Variants in MYOM3 observed in about 807,000 individuals in gnomAD.
The protein encoded by MYOM3 is myomesin-3.
In MYOM3, 155 loss-of-function variants were observed where a neutral mutation model predicts 191.7. The observed-to-expected ratio is 0.81, with a 90% CI of 0.71 to 0.92. MYOM3 has a LOEUF of 0.92. Ranked by LOEUF, MYOM3 falls within the 40% of genes least tolerant of loss-of-function variation. The probability of loss-of-function intolerance (pLI) is 0.00; values close to 1 mark genes in which losing one functional copy is unlikely to be tolerated. For missense variants in MYOM3, 1,889 were observed against 1,890.6 expected (o/e 1.00, Z 0.02); for synonymous variants, 757 against 762.9 (o/e 0.99, Z 0.13).
intron 8 of MYOM3, 101 bp from the exon 9 acceptor site, chr1:24,095,091 G>T: frequency 7.8e-7 from 1 of 1,289,174 alleles, no homozygotes; most frequent in Non-Finnish European, 1.1e-6. Context: ...TCTCTTCTGG[G>T]TCTTGACTAG....
chr1:24,094,767 T>C, intron 9 of MYOM3, 86 bp downstream of exon 9: 1 of 1,355,280 alleles, frequency 7.4e-7, no homozygotes, highest in Non-Finnish European at 1.0e-6. Flanking sequence ...GGAGAGTCTC[T>C]GTCCGCTAGG....
At chr1:24,085,618 T>A (rs1245039383) in intron 15 of MYOM3, among the ~76,000 whole-genome samples, 3 of 152,178 alleles carry the variant, frequency 2.0e-5, no homozygotes, top group Non-Finnish European at 4.4e-5. Flanking sequence ...CTCACCTGTT[T>A]GAAGGCTTCA....
chr1:24,097,281 A>C (rs368526217), intron 7 of MYOM3, among the ~76,000 whole-genome samples: 1 of 152,198 alleles, frequency 6.6e-6, no homozygotes. Flanking sequence ...ACCTAAGCGC[A>C]ATCCGGTGGG....
chr1:24,070,432 A>G (rs934501452), intron 25 of MYOM3, among the ~76,000 whole-genome samples: 4 of 151,592 alleles, frequency 2.6e-5, no homozygotes, highest in Admixed American at 6.6e-5. Context: ...AAAAAAAAAT[A>G]TAAAAATTAG....
chr1:24,095,429 C>G lies in MYOM3; in HGVS notation c.790+13G>C. 2 of 1,611,772 alleles carry G rather than the reference C, an allele frequency of 1.2e-6. No homozygotes were observed. Among genetic ancestry groups the G allele is most frequent in the Non-Finnish European group, 1.7e-6 (2 of 1,178,582 alleles). On this transcript the variant is annotated intron_variant, in intron 8 of 36. Transcript: ENST00000374434. The stretch of plus-strand genomic sequence containing the variant: ...AAAGAATCCCAGGTCCCGTTCTCCC[C>G]CAGCCGACTTACTTTTGAAGATCTC...
chr1:24,104,838 G>A (rs1416199250), intron 5 of MYOM3, among the ~76,000 whole-genome samples: 2 of 152,176 alleles, frequency 1.3e-5, no homozygotes, highest in Non-Finnish European at 2.9e-5. Context: ...GGGCTTGTTT[G>A]GTTATTTGTG....
chr1:24,099,308 G>T (rs960879668), intron 6 of MYOM3, among the ~76,000 whole-genome samples: 1 of 152,112 alleles, frequency 6.6e-6, no homozygotes, highest in African/African-American at 2.4e-5. Flanking sequence ...AGGTGCATAT[G>T]TGTGCATATT....
At position 24,082,116 on chromosome 1, in the gene MYOM3, G is replaced by T. The variant is rs1643677709; in HGVS notation, c.2165C>A (p.Pro722His). Residue 722 changes from proline to histidine, a missense_variant, in exon 18 of 37, where the codon CCC (proline) becomes CAC (histidine). Transcript: ENST00000374434. ...GKNEMVIGWK[P>H]PKRRGGGKIL... The stretch of plus-strand genomic sequence containing the variant: ...CTTGCCACCTCCACGACGCTTGGGG[G>T]GTTTCCACCCAATGACCATTTCATT... 3 of 1,613,672 alleles carry T rather than the reference G, an allele frequency of 1.9e-6. No individual in the cohort carries two copies. The African/African-American group carries it at 4.0e-5, about 22-fold the overall frequency.
chr1:24,065,430 A>G (rs1643421905), intron 29 of MYOM3, among the ~76,000 whole-genome samples: 1 of 152,178 alleles, frequency 6.6e-6, no homozygotes, highest in Admixed American at 6.5e-5. Flanking sequence ...GGCCTGCTTT[A>G]TTCTGCCCAG....
chr1:24,073,812 G>A (rs1482465490), intron 23 of MYOM3, among the ~76,000 whole-genome samples: 5 of 143,330 alleles, frequency 3.5e-5, no homozygotes, highest in Admixed American at 7.3e-5. Context: ...GCAGTGAGCC[G>A]AGATCGTGCC....
At position 24,063,446 on chromosome 1, in the gene MYOM3, G is replaced by T. The variant is rs1570851304; in HGVS notation, c.3661+46C>A. 4 of 1,611,694 alleles carry T rather than the reference G, an allele frequency of 2.5e-6. No individual in the cohort carries two copies. ...AGTGTTAGGCTGCTTGGAGGCTGTTGGGCATCAGGGCAGGGCAGGGCTGGG... is the reference window on the plus strand; with the variant it reads ...AGTGTTAGGCTGCTTGGAGGCTGTTTGGCATCAGGGCAGGGCAGGGCTGGG... On this transcript the variant is annotated intron_variant, in intron 31 of 36. Transcript: ENST00000374434. This position sits in a 1 kb window ranked among gnomAD's most constrained non-coding sequence, Gnocchi z 4.5.
chr1:24,108,206 G>T (rs1644001095), intron 2 of MYOM3, 133 bp from the exon 3 acceptor site: 2 of 866,028 alleles, frequency 2.3e-6, no homozygotes, highest in Non-Finnish European at 3.5e-6. Flanking sequence ...TCATACTGGG[G>T]TCTCAGAAAG....
intron 6 of MYOM3, 69 bp from the exon 7 acceptor site, chr1:24,098,080 G>A (rs1354168107): frequency 1.1e-5 from 11 of 1,016,312 alleles, no homozygotes; most frequent in Admixed American, 5.1e-5. Flanking sequence ...AGTCCCCTGT[G>A]TGGGTGGGAA....
chr1:24,061,988 C>T lies in MYOM3; in HGVS notation c.3892G>A (p.Gly1298Arg). 6.2e-7 allele frequency: 1 copy of T among 1,614,210 alleles called. No homozygotes were observed. The highest frequency in any genetic ancestry group is 8.5e-7 in the Non-Finnish European group (1 of 1,180,052). The change falls in exon 33 of 37, where the codon GGG (glycine) becomes AGG (arginine). Residue 1298 changes from glycine to arginine, a missense_variant. Transcript: ENST00000374434. Reference protein sequence around the residue: ...KGKYTLEIAAGKEVRQLSTDL... With the variant: ...KGKYTLEIAARKEVRQLSTDL... Reference sequence around the variant, plus strand: ...GTTGAGAGCTGCCGGACTTCCTTCCCTGCAGCTATTTCCAGAGTGTATTTG... The same window carrying T: ...GTTGAGAGCTGCCGGACTTCCTTCCTTGCAGCTATTTCCAGAGTGTATTTG...
At chr1:24,094,572 A>G (rs1440572919) in intron 9 of MYOM3, among the ~76,000 whole-genome samples, 1 of 152,044 alleles carries the variant, frequency 6.6e-6, no homozygotes, top group African/African-American at 2.4e-5. Context: ...CCCTCCTCCC[A>G]GGTGGACACA....
Position 24,090,080 on chromosome 1 carries a change from T to G in MYOM3, c.1471A>C (p.Thr491Pro). The change falls in exon 13 of 37, where the codon ACA becomes CCA. Residue 491 changes from threonine to proline, a missense_variant. By Grantham distance (38) the Thr-to-Pro change is conservative. Transcript: ENST00000374434. ...TCCCGCGTACCTTCAAAAGCGTCTGTGCTGATGGTGATCTTGTTTCCCAGA... is the reference window on the plus strand; with the variant it reads ...TCCCGCGTACCTTCAAAAGCGTCTGGGCTGATGGTGATCTTGTTTCCCAGA... ...FDLGNKITIS[T>P]DAFEDTVTIP... 7 of 1,614,124 alleles carry G rather than the reference T, an allele frequency of 4.3e-6. No individual in the cohort carries two copies. Among genetic ancestry groups the G allele is most frequent in the Non-Finnish European group, 5.9e-6 (7 of 1,179,974 alleles).
chr1:24,086,856 T>C (rs774948745), intron 14 of MYOM3, 29 bp from the exon 15 acceptor site: 2 of 1,607,792 alleles, frequency 1.2e-6, no homozygotes, highest in Non-Finnish European at 1.7e-6. Context: ...TCACATTGGC[T>C]AACTGGTCGC....
intron 27 of MYOM3, among the ~76,000 whole-genome samples, chr1:24,067,711 C>T (rs529187068): frequency 2.0e-5 from 3 of 152,254 alleles, no homozygotes; most frequent in African/African-American, 7.2e-5. Flanking sequence ...ATCTGACCAC[C>T]TTGGCCTCCC....
chr1:24,091,041 C>T (rs2148555738), intron 11 of MYOM3, 45 bp from the exon 12 acceptor site: 1 of 1,600,136 alleles, frequency 6.2e-7, no homozygotes, highest in Non-Finnish European at 8.5e-7. Context: ...CCACAATGCA[C>T]ACCTTCCCAA....
Sources: gnomAD v4.1 joint callset for allele counts (sites outside exome capture counted in the v4.1 genomes callset) on GRCh38, gnomAD v4.1.1 for gene constraint, Gnocchi (gnomAD v3.1) non-coding constraint, MANE v1.5 for transcripts, NCBI Gene and HGNC (gene_info 2026-07-23, HGNC 2026-07-21) for gene names.